SLC60A1: variants seen among roughly 807,000 people sequenced by gnomAD.
SLC60A1 encodes the protein solute carrier family 60 member 1.
the SLC60A1 span, among the ~76,000 whole-genome samples, chr1:205,573,482 A>G: frequency 6.6e-6 from 1 of 152,158 alleles, no homozygotes; most frequent in Admixed American, 6.6e-5. Context: ...CATAAAAAGG[A>G]ATGAGATACT....
chr1:205,580,816 C>A, the SLC60A1 span: 2 of 1,614,190 alleles, frequency 1.2e-6, no homozygotes, highest in Non-Finnish European at 1.7e-6. This position sits in a 1 kb window ranked among gnomAD's most constrained non-coding sequence, Gnocchi z 5.0. Context: ...GCCAGCACCA[C>A]GTAGATGCCA....
the SLC60A1 span, among the ~76,000 whole-genome samples, chr1:205,592,746 G>A: frequency 1.3e-5 from 2 of 151,994 alleles, no homozygotes; most frequent in South Asian, 2.1e-4. Flanking sequence ...ATTTTAGGCC[G>A]CAGAGAAGCA....
chr1:205,573,094 T>G, the SLC60A1 span, among the ~76,000 whole-genome samples: 3 of 150,142 alleles, frequency 2.0e-5, no homozygotes, highest in Non-Finnish European at 4.4e-5. Context: ...GAGACTCCAG[T>G]GTCAAAACCA....
chr1:205,597,957 G>A, the SLC60A1 span: 1 of 1,211,278 alleles, frequency 8.3e-7, no homozygotes, highest in Non-Finnish European at 1.2e-6. Context: ...CCTTTCCTGA[G>A]TCTCCAGCAA....
the SLC60A1 span, among the ~76,000 whole-genome samples, chr1:205,588,410 CAGTGAGCTGA>C: frequency 7.5e-6 from 1 of 133,466 alleles, no homozygotes; most frequent in African/African-American, 2.8e-5. Flanking sequence ...GCAGAGGTTG[CAGTGAGCTGA>C]AATGGTGCCA....
chr1:205,579,702 AG>A, the SLC60A1 span: 1 of 1,596,560 alleles, frequency 6.3e-7, no homozygotes, highest in South Asian at 1.1e-5. Flanking sequence ...GAGAAGGGGG[AG>A]GGGATGCTTC....
At chr1:205,596,679 G>T in the SLC60A1 span, among the ~76,000 whole-genome samples, 4 of 151,918 alleles carry the variant, frequency 2.6e-5, no homozygotes, top group African/African-American at 9.7e-5. Context: ...GAGGGTGGAG[G>T]GGGAGAGAGA....
chr1:205,583,891 A>G, the SLC60A1 span: 1 of 1,557,326 alleles, frequency 6.4e-7, no homozygotes, highest in South Asian at 1.2e-5. Flanking sequence ...GTGTGTGCAG[A>G]GGCCAGGCGT....
At chr1:205,589,736 C>G in the SLC60A1 span, among the ~76,000 whole-genome samples, 4 of 152,122 alleles carry the variant, frequency 2.6e-5, no homozygotes, top group Non-Finnish European at 5.9e-5. Flanking sequence ...TAGACAGGAG[C>G]CACCATCTCC....
the SLC60A1 span, among the ~76,000 whole-genome samples, chr1:205,572,109 G>T: frequency 2.6e-5 from 4 of 152,166 alleles, no homozygotes; most frequent in African/African-American, 7.2e-5. Flanking sequence ...GTGGGTGCAG[G>T]GGAAGACTTG....
At chr1:205,594,783 A>G in the SLC60A1 span, among the ~76,000 whole-genome samples, 1 of 152,084 alleles carries the variant, frequency 6.6e-6, no homozygotes, top group Non-Finnish European at 1.5e-5. Context: ...AGTTAATGGT[A>G]CCCAGGTTTT....
At chr1:205,579,432 G>T in the SLC60A1 span, 2 of 548,096 alleles carry the variant, frequency 3.6e-6, no homozygotes, top group Admixed American at 3.1e-5. Flanking sequence ...GAAAAGGGTG[G>T]GGAATATTTT....
chr1:205,597,775 G>A, the SLC60A1 span: 1 of 1,613,692 alleles, frequency 6.2e-7, no homozygotes, highest in South Asian at 1.1e-5. Flanking sequence ...TTCTCTTTTT[G>A]TTAGGCTGTG....
At chr1:205,585,835 C>A in the SLC60A1 span, among the ~76,000 whole-genome samples, 1 of 152,202 alleles carries the variant, frequency 6.6e-6, no homozygotes, top group Non-Finnish European at 1.5e-5. The surrounding 1 kb of genome is among the most constrained non-coding windows in gnomAD (Gnocchi z 4.2). Context: ...AGCTAAGGCA[C>A]CCCAGCTTCT....
chr1:205,585,686 CT>C, the SLC60A1 span, among the ~76,000 whole-genome samples: 126,070 of 143,996 alleles, frequency 0.88, 55,384 homozygotes, highest in Non-Finnish European at 0.93. This position sits in a 1 kb window ranked among gnomAD's most constrained non-coding sequence, Gnocchi z 4.2. Context: ...TTGCACACAC[CT>C]TTTTTTTTTT....
At chr1:205,588,682 CTG>C in the SLC60A1 span, among the ~76,000 whole-genome samples, 1 of 151,038 alleles carries the variant, frequency 6.6e-6, no homozygotes, top group South Asian at 2.1e-4. Flanking sequence ...GTCATATTCA[CTG>C]TGACTACTTC....
chr1:205,592,286 A>G, the SLC60A1 span: 9 of 1,611,156 alleles, frequency 5.6e-6, no homozygotes, highest in African/African-American at 4.0e-5. Flanking sequence ...TGCAGTACAA[A>G]GGTGAGGGCC....
the SLC60A1 span, among the ~76,000 whole-genome samples, chr1:205,593,418 C>CCGAA: frequency 5.1e-4 from 31 of 60,540 alleles, no homozygotes; most frequent in Admixed American, 8.4e-4. Context: ...TTGCAGTGAG[C>CCGAA]ACTCCAGCCT....
the SLC60A1 span, among the ~76,000 whole-genome samples, chr1:205,589,632 TAG>T: frequency 2.1e-4 from 32 of 152,312 alleles, no homozygotes; most frequent in Middle Eastern, 3.4e-3. Context: ...TTGTTTTTTT[TAG>T]AGAGACAGGG....
Sources: gnomAD v4.1 joint callset for allele counts (sites outside exome capture counted in the v4.1 genomes callset) on GRCh38, gnomAD v4.1.1 for gene constraint, Gnocchi (gnomAD v3.1) non-coding constraint, MANE v1.5 for transcripts, NCBI Gene and HGNC (gene_info 2026-07-23, HGNC 2026-07-21) for gene names.